Variants in RTN4IP1 observed in about 807,000 individuals in gnomAD.
The protein encoded by RTN4IP1 is reticulon 4 interacting protein 1.
A neutral mutation model predicts 46.6 loss-of-function variants in RTN4IP1; 32 were observed. The observed-to-expected ratio is 0.69, with a 90% CI of 0.52 to 0.92. The LOEUF is 0.92. RTN4IP1 is among the 40% of genes least tolerant of loss of function. The probability of loss-of-function intolerance (pLI) is 0.00; values close to 1 mark genes in which losing one functional copy is unlikely to be tolerated. For synonymous variants in RTN4IP1, 167 were observed against 161.8 expected, an observed-to-expected ratio of 1.03 and a Z score of -0.24; for missense variants, 424 against 485.8, an observed-to-expected ratio of 0.87 and a Z score of 1.20.
At chr6:106,593,900 C>T (rs1202062531) in intron 5 of RTN4IP1, among the ~76,000 whole-genome samples, 1 of 152,008 alleles carries the variant, frequency 6.6e-6, no homozygotes, top group Non-Finnish European at 1.5e-5. Context: ...GAATATAATC[C>T]AAGATGAATA....
chr6:106,575,317 C>A (rs1252004653), intron 8 of RTN4IP1, among the ~76,000 whole-genome samples: 1 of 152,216 alleles, frequency 6.6e-6, no homozygotes, highest in Non-Finnish European at 1.5e-5. Flanking sequence ...CTCATTCAGT[C>A]TTGGATTCAT....
chr6:106,598,193 T>G (rs1775850316), intron 5 of RTN4IP1, among the ~76,000 whole-genome samples: 1 of 152,176 alleles, frequency 6.6e-6, no homozygotes, highest in Non-Finnish European at 1.5e-5. Flanking sequence ...TGATTTATAG[T>G]CATTTGGGTA....
intron 7 of RTN4IP1, among the ~76,000 whole-genome samples, chr6:106,586,904 C>A (rs974599888): frequency 6.6e-6 from 1 of 152,150 alleles, no homozygotes; most frequent in Non-Finnish European, 1.5e-5. Context: ...CCGATGTGTG[C>A]AATTTGGGTG....
In RTN4IP1 at chr6:106,629,094, C is replaced by T; in HGVS notation, c.-73G>A. 6.9e-7 allele frequency: 1 copy of T among 1,440,240 alleles called. No individual in the cohort carries two copies. The highest frequency in any genetic ancestry group is 9.3e-7 in the Non-Finnish European group (1 of 1,071,702). The allele number at this position is 1,440,240 out of a possible 1,614,324, so 89.2% of individuals were successfully genotyped here. The stretch of plus-strand genomic sequence containing the variant: ...TGGATCAAACTCTCACCCCTGAATT[C>T]AGTCAAATTCTGCCAAACCACGGGC... On this transcript the variant is annotated 5_prime_UTR_variant, in exon 1 of 9. It removes the in-frame stop codon of an upstream open reading frame in the 5' UTR. Transcript: ENST00000369063.
intron 8 of RTN4IP1, among the ~76,000 whole-genome samples, chr6:106,577,415 T>C (rs1775255121): frequency 9.2e-6 from 1 of 108,602 alleles, no homozygotes; most frequent in Non-Finnish European, 1.7e-5. Context: ...ACCACTACAC[T>C]CCAGCCTGGG....
intron 3 of RTN4IP1, among the ~76,000 whole-genome samples, chr6:106,620,707 A>G (rs896593342): frequency 4.6e-5 from 7 of 152,130 alleles, no homozygotes; most frequent in African/African-American, 1.7e-4. Context: ...ATCCTAATAA[A>G]TATTGTATAG....
chr6:106,605,952 A>C (rs939672980), intron 4 of RTN4IP1, among the ~76,000 whole-genome samples: 1 of 152,184 alleles, frequency 6.6e-6, no homozygotes, highest in Non-Finnish European at 1.5e-5. Flanking sequence ...TGGAAGTACT[A>C]GCCAGAGCAA....
At chr6:106,594,214 A>C (rs1173825432) in intron 5 of RTN4IP1, among the ~76,000 whole-genome samples, 2 of 152,212 alleles carry the variant, frequency 1.3e-5, no homozygotes, top group African/African-American at 4.8e-5. Flanking sequence ...ACAACTATAG[A>C]AAACACCTAT....
chr6:106,589,749 T>C (rs1257891750), intron 6 of RTN4IP1, among the ~76,000 whole-genome samples: 1 of 152,190 alleles, frequency 6.6e-6, no homozygotes, highest in Admixed American at 6.5e-5. Flanking sequence ...AACATATTTA[T>C]CCTAGGTAGA....
At chr6:106,610,091 T>G (rs193274029) in intron 4 of RTN4IP1, among the ~76,000 whole-genome samples, 2 of 152,096 alleles carry the variant, frequency 1.3e-5, no homozygotes, top group East Asian at 3.9e-4. Flanking sequence ...AGACGGAGTC[T>G]CACTCCGTCG....
chr6:106,603,071 G>T lies in RTN4IP1; in HGVS notation c.621-149C>A, dbSNP rs142826856. On this transcript the variant is annotated intron_variant, in intron 4 of 8. Coordinates refer to ENST00000369063, the MANE Select transcript of RTN4IP1 (RefSeq NM_032730.5). ...CAGCTTCCCAAGATATATTACACAA[G>T]GATTTTTATTTTAGGTTCACCAAGA... The T allele has an allele frequency of 1.7e-3, 897 of 536,240 alleles. 10 individuals are homozygous for T. Among genetic ancestry groups the T allele is most frequent in the African/African-American group, 0.016 (821 of 50,368 alleles). The allele number at this position is 536,240 out of a possible 1,614,324, so 33.2% of individuals were successfully genotyped here. A position where few individuals can be genotyped will look rare whatever the true frequency, so the allele number is the denominator to read the frequency against.
At chr6:106,576,389 C>T (rs374816237) in intron 8 of RTN4IP1, among the ~76,000 whole-genome samples, 19 of 152,170 alleles carry the variant, frequency 1.2e-4, no homozygotes, top group Admixed American at 9.2e-4. Flanking sequence ...ATATAAATTT[C>T]CTCATAGAAA....
chr6:106,595,794 A>T (rs528658656), intron 5 of RTN4IP1, among the ~76,000 whole-genome samples: 1 of 152,300 alleles, frequency 6.6e-6, no homozygotes, highest in Non-Finnish European at 1.5e-5. Flanking sequence ...CAACGCGTCC[A>T]GCCTGAATAC....
chr6:106,612,897 T>C (rs1318598040), intron 4 of RTN4IP1, among the ~76,000 whole-genome samples: 2 of 152,214 alleles, frequency 1.3e-5, no homozygotes, highest in Non-Finnish European at 1.5e-5. Flanking sequence ...TAAGAACCCC[T>C]TCCCCTCCCT....
chr6:106,579,199 G>A (rs1775299709), intron 8 of RTN4IP1, among the ~76,000 whole-genome samples: 1 of 150,896 alleles, frequency 6.6e-6, no homozygotes, highest in Non-Finnish European at 1.5e-5. Flanking sequence ...TCGTGCCACT[G>A]CACTCCAGCA....
At chr6:106,585,755 T>A (rs1775468438) in intron 7 of RTN4IP1, among the ~76,000 whole-genome samples, 1 of 152,114 alleles carries the variant, frequency 6.6e-6, no homozygotes, top group Non-Finnish European at 1.5e-5. Flanking sequence ...GGTTTTCACA[T>A]GAGATTACCA....
chr6:106,614,312 T>C (rs17067443), intron 4 of RTN4IP1, among the ~76,000 whole-genome samples: 11,050 of 152,242 alleles, frequency 0.073, 586 homozygotes, highest in East Asian at 0.2. Context: ...GGTTTTGACT[T>C]AGGGTAAACC....
chr6:106,615,913 TTTTC>T (rs755456856), intron 4 of RTN4IP1, among the ~76,000 whole-genome samples: 22 of 152,224 alleles, frequency 1.4e-4, no homozygotes, highest in Middle Eastern at 6.8e-3. Context: ...TCACTTGACA[TTTTC>T]TTTTTCTTTT....
At chr6:106,625,420 T>C (rs1283067715) in intron 1 of RTN4IP1, among the ~76,000 whole-genome samples, 2 of 152,090 alleles carry the variant, frequency 1.3e-5, no homozygotes, top group East Asian at 1.9e-4. Flanking sequence ...GGTCCAAAGA[T>C]GCTAAGAGGC....
Sources: gnomAD v4.1 joint callset for allele counts (sites outside exome capture counted in the v4.1 genomes callset) on GRCh38, gnomAD v4.1.1 for gene constraint, MANE v1.5 for transcripts, NCBI Gene and HGNC (gene_info 2026-07-23, HGNC 2026-07-21) for gene names.